PPP1R21: variants seen among roughly 807,000 people sequenced by gnomAD.
PPP1R21 encodes the protein protein phosphatase 1 regulatory subunit 21, also known as KLRAQ motif containing 1.
A neutral mutation model predicts 112.8 loss-of-function variants in PPP1R21; 85 were observed. The ratio of observed to expected loss-of-function variants is 0.75; its 90% confidence interval spans 0.63 to 0.90. PPP1R21 has a LOEUF of 0.90. PPP1R21 is among the 40% of genes least tolerant of loss of function. The probability of loss-of-function intolerance (pLI) is 0.00; values close to 1 mark genes in which losing one functional copy is unlikely to be tolerated. For missense variants in PPP1R21, 1,199 were observed against 901.5 expected, an observed-to-expected ratio of 1.33 and a Z score of -4.23; for synonymous variants, 381 against 322.3, an observed-to-expected ratio of 1.18 and a Z score of -1.95.
chr2:48,476,513 T>A (rs1668760890), intron 12 of PPP1R21, among the ~76,000 whole-genome samples: 1 of 152,230 alleles, frequency 6.6e-6, no homozygotes, highest in South Asian at 2.1e-4. Context: ...CTTAACTGTT[T>A]GAGGAGCTGC....
At chr2:48,504,638 C>G (rs1670288429) in intron 17 of PPP1R21, among the ~76,000 whole-genome samples, 1 of 149,390 alleles carries the variant, frequency 6.7e-6, no homozygotes, top group African/African-American at 2.4e-5. Flanking sequence ...GAGACTCTGT[C>G]TCAGAAACAA....
chr2:48,464,799 C>T, intron 7 of PPP1R21, 138 bp from the exon 8 acceptor site: 1 of 561,576 alleles, frequency 1.8e-6, no homozygotes, highest in Non-Finnish European at 3.1e-6. Context: ...ATGTAAATTC[C>T]ATTATTCTGT....
At chr2:48,479,719 A>T (rs1668920092) in intron 12 of PPP1R21, among the ~76,000 whole-genome samples, 2 of 152,224 alleles carry the variant, frequency 1.3e-5, no homozygotes, top group Admixed American at 1.3e-4. Context: ...ATTAAAAAAT[A>T]TTTGTGGACA....
Position 48,515,278 on chromosome 2 carries a change from A to G in PPP1R21, c.*534A>G, listed in dbSNP as rs1481041400. The G allele has an allele frequency of 2.0e-5, 3 of 146,606 alleles. No individual in the cohort carries two copies. Among genetic ancestry groups the G allele is most frequent in the African/African-American group, 7.7e-5 (3 of 39,104 alleles). The allele number at this position is 146,606 out of a possible 1,614,324, so 9.1% of individuals were successfully genotyped here. On this transcript the variant is annotated 3_prime_UTR_variant, in exon 22 of 22. Transcript: ENST00000294952. ...CTCTCTGAGGGAGAGGGAGCCCTCC[A>G]AACTTCAGATCCTGTGGGTTTAGTA... is the stretch of plus-strand genomic sequence containing the variant.
At chr2:48,490,898 G>A in intron 14 of PPP1R21, 120 bp from the exon 15 acceptor site, 1 of 831,472 alleles carries the variant, frequency 1.2e-6, no homozygotes, top group Admixed American at 2.5e-5. Context: ...GGCAGGTGTT[G>A]AAATTTCATT....
chr2:48,475,692 A>G (rs1252898947), intron 12 of PPP1R21, among the ~76,000 whole-genome samples: 1 of 151,978 alleles, frequency 6.6e-6, no homozygotes, highest in Non-Finnish European at 1.5e-5. Context: ...TACTAAAAAT[A>G]CAAAATCAGC....
chr2:48,507,211 TAG>T, intron 18 of PPP1R21, 56 bp from the exon 19 acceptor site: 8 of 1,339,884 alleles, frequency 6.0e-6, no homozygotes, highest in South Asian at 2.0e-5. Flanking sequence ...TTTTTTTTTC[TAG>T]AAATGCTTCA....
rs1345178218 is a variant in PPP1R21, at chr2:48,469,281, G to C, written c.898-1806G>C. Among the ~76,000 whole-genome samples the C allele has an allele frequency of 2.8e-4, 13 of 46,442 alleles. 2 individuals carry two copies. Among genetic ancestry groups the C allele is most frequent in the African/African-American group, 9.9e-4 (13 of 13,186 alleles). The allele number at this position is 46,442 out of a possible 152,430, so 30.5% of individuals were successfully genotyped here. On this transcript the variant is annotated intron_variant, in intron 9 of 21. Transcript: ENST00000294952. ...TTGAATTGTGTGTGTGTGTGTGTGT[G>C]TGTGTGTGTGTGTGTATGTATATAT...
At chr2:48,481,057 C>T (rs1213750014) in intron 13 of PPP1R21, among the ~76,000 whole-genome samples, 1 of 152,130 alleles carries the variant, frequency 6.6e-6, no homozygotes, top group African/African-American at 2.4e-5. Flanking sequence ...GGTGTGATCT[C>T]CGCTCACTGC....
chr2:48,510,049 A>T lies in PPP1R21; in HGVS notation c.2120A>T (p.Glu707Val). 6.2e-7 allele frequency: 1 copy of T among 1,613,894 alleles called. No homozygotes were observed. The highest frequency in any genetic ancestry group is 8.5e-7 in the Non-Finnish European group (1 of 1,179,824). The change falls in exon 20 of 22, where the codon GAA becomes GTA. Residue 707 changes from glutamate to valine, a missense_variant. Coordinates refer to ENST00000294952, the MANE Select transcript of PPP1R21 (RefSeq NM_001135629.3). ...CTGTCTAAAAGACTGGCCTTGGCTG[A>T]AAAGTCTAAGGAAGCATTGACAGAA... is the stretch of plus-strand genomic sequence containing the variant. ...RALSKRLALA[E>V]KSKEALTEEM...
chr2:48,506,944 C>CAAAAAAA (rs11314362), intron 18 of PPP1R21, among the ~76,000 whole-genome samples: 1 of 96,474 alleles, frequency 1.0e-5, no homozygotes. Context: ...GACTCTGCCT[C>CAAAAAAA]AAAAAAAAAA....
chr2:48,471,401 A>G, intron 11 of PPP1R21, 34 bp downstream of exon 11: 6 of 1,575,638 alleles, frequency 3.8e-6, no homozygotes, highest in South Asian at 2.4e-5. Flanking sequence ...AACTTGGGGA[A>G]TTGTGGGTGT....
At chr2:48,500,705 G>T (rs1558514879) in intron 17 of PPP1R21, among the ~76,000 whole-genome samples, 2 of 152,174 alleles carry the variant, frequency 1.3e-5, no homozygotes, top group African/African-American at 2.4e-5. Flanking sequence ...GAGCTCAGGA[G>T]TTCGAGACCT....
chr2:48,454,467 C>T, intron 2 of PPP1R21, 128 bp from the exon 3 acceptor site: 1 of 1,093,246 alleles, frequency 9.1e-7, no homozygotes, highest in Non-Finnish European at 1.3e-6. Context: ...AAGTGATACA[C>T]ATACAACCTG....
chr2:48,441,389 G>A (rs1427406830), intron 1 of PPP1R21: 1 of 320,372 alleles, frequency 3.1e-6, no homozygotes. Flanking sequence ...GCCTAGGGAT[G>A]GGGAAGATCA....
At chr2:48,458,625 T>C (rs1277118959) in intron 4 of PPP1R21, among the ~76,000 whole-genome samples, 1 of 151,062 alleles carries the variant, frequency 6.6e-6, no homozygotes, top group Non-Finnish European at 1.5e-5. Context: ...AATTTACTGA[T>C]GTTTAGTTGG....
chr2:48,459,639 A>G, intron 4 of PPP1R21, 115 bp from the exon 5 acceptor site: 1 of 1,130,810 alleles, frequency 8.8e-7, no homozygotes, highest in Non-Finnish European at 1.2e-6. Context: ...TGGGTTTAAC[A>G]TAGTCAGCAT....
At chr2:48,504,660 A>G (rs1272390322) in intron 17 of PPP1R21, among the ~76,000 whole-genome samples, 1 of 152,118 alleles carries the variant, frequency 6.6e-6, no homozygotes, top group South Asian at 2.1e-4. Context: ...CAAACAAAAA[A>G]AAACTGTTCA....
chr2:48,446,226 G>C (rs1667240465), intron 1 of PPP1R21, among the ~76,000 whole-genome samples: 1 of 152,212 alleles, frequency 6.6e-6, no homozygotes, highest in Non-Finnish European at 1.5e-5. Flanking sequence ...TCTTCCAACA[G>C]TTTGTGATTG....
Sources: allele counts gnomAD v4.1 joint callset (sites outside exome capture counted in the v4.1 genomes callset), GRCh38; gene constraint gnomAD v4.1.1; transcripts MANE v1.5; gene names NCBI Gene and HGNC (gene_info 2026-07-23, HGNC 2026-07-21).